Variants in BTBD9 observed in about 807,000 individuals in gnomAD.
The protein encoded by BTBD9 is BTB domain containing 9.
A neutral mutation model predicts 64.3 loss-of-function variants in BTBD9; 49 were observed. The ratio of observed to expected loss-of-function variants is 0.76; its 90% CI spans 0.61 to 0.97. The LOEUF is 0.97. Ranked by LOEUF, BTBD9 falls within the 50% of genes least tolerant of loss-of-function variation. The pLI, the probability that BTBD9 is intolerant of heterozygous loss-of-function variation, is 0.00. For synonymous variants in BTBD9, 260 were observed against 274.7 expected (o/e 0.95, Z 0.53); for missense variants, 598 against 762.1 (o/e 0.78, Z 2.53).
rs1207108059 is a variant in BTBD9 at position 38,184,281 on chromosome 6, C to A, written c.1641+8238G>T. Among the ~76,000 whole-genome samples the A allele has an allele frequency of 1.3e-5, 2 of 152,334 alleles. No homozygotes were observed. The highest frequency in any genetic ancestry group is 1.9e-4 in the East Asian group (1 of 5,180). ...CAGGCTGCCCGCTGGGCTTGACTAT[C>A]CCGGCTGTCCCTGCACTGCCTCCTC... is the stretch of plus-strand genomic sequence containing the variant. On this transcript the variant is annotated intron_variant, in intron 10 of 10. Transcript: ENST00000481247. This position sits in a 1 kb window ranked among gnomAD's most constrained non-coding sequence, Gnocchi z 4.4.
chr6:38,252,028 T>C (rs1303828168), intron 9 of BTBD9, among the ~76,000 whole-genome samples: 1 of 152,060 alleles, frequency 6.6e-6, no homozygotes, highest in Non-Finnish European at 1.5e-5. Context: ...TTATCTATAA[T>C]AGAAAATGAC....
At chr6:38,439,110 CTTTTT>C (rs35699356) in intron 6 of BTBD9, among the ~76,000 whole-genome samples, 19 of 64,052 alleles carry the variant, frequency 3.0e-4, no homozygotes, top group African/African-American at 1.0e-3. Flanking sequence ...TAGCAACTGA[CTTTTT>C]TTTTTTTTTT....
At chr6:38,605,391 C>G (rs1777397833) in intron 1 of BTBD9, among the ~76,000 whole-genome samples, 1 of 152,126 alleles carries the variant, frequency 6.6e-6, no homozygotes, top group Non-Finnish European at 1.5e-5. Context: ...GCCTCCTTCT[C>G]ATGATCTACA....
intron 6 of BTBD9, among the ~76,000 whole-genome samples, chr6:38,484,628 C>T (rs1395151608): frequency 6.6e-6 from 1 of 152,132 alleles, no homozygotes; most frequent in Non-Finnish European, 1.5e-5. Flanking sequence ...TATGACCACA[C>T]AATAAAGCAA....
rs545243939 is a variant in BTBD9 at position 38,451,492 on chromosome 6, C to A, written c.1155-106399G>T. 2.4e-4 allele frequency among the ~76,000 whole-genome samples: 37 copies of A among 152,254 alleles called. No individual in the cohort carries two copies. The South Asian group carries it at 7.5e-3, about 31-fold the overall frequency. ...AATTTTTACAAACAGTTGTCTCAGACAGTACCCATTGTTACCTCTTATAAC... is the reference window on the plus strand; with the variant it reads ...AATTTTTACAAACAGTTGTCTCAGAAAGTACCCATTGTTACCTCTTATAAC... On this transcript the variant is annotated intron_variant, in intron 6 of 10. Coordinates refer to ENST00000481247, the MANE Select transcript of BTBD9 (RefSeq NM_001099272.2).
At chr6:38,271,747 T>G (rs965783867) in intron 8 of BTBD9, among the ~76,000 whole-genome samples, 6 of 152,280 alleles carry the variant, frequency 3.9e-5, no homozygotes, top group Admixed American at 3.9e-4. Context: ...AGGTAAGAAA[T>G]AAAGATACAG....
chr6:38,300,767 A>G (rs1313320928), intron 7 of BTBD9, among the ~76,000 whole-genome samples: 17 of 152,140 alleles, frequency 1.1e-4, no homozygotes, highest in South Asian at 2.1e-4. Context: ...GGGCTGAGAC[A>G]ATGGGGTTTT....
intron 9 of BTBD9, among the ~76,000 whole-genome samples, chr6:38,222,262 T>G (rs1763227064): frequency 7.6e-6 from 1 of 132,346 alleles, no homozygotes; most frequent in African/African-American, 2.8e-5. Flanking sequence ...CAGTTGTTTT[T>G]TTTTTTTTTT....
rs577900543 is a variant in BTBD9, at chr6:38,298,976, A to C, written c.1265-10515T>G. Among the ~76,000 whole-genome samples the C allele has an allele frequency of 3.9e-5, 6 of 151,920 alleles. No individual in the cohort carries two copies. The East Asian group carries it at 1.2e-3, about 29-fold the overall frequency. ...ACCCATTAACTCGTCATTTAGCATT[A>C]GGTATACCTCCGAATGCTATCCCTC... On this transcript the variant is annotated intron_variant, in intron 7 of 10. Transcript: ENST00000481247.
chr6:38,439,110 C>CTTTTTTTTTTTTTTTTTTTTTTTTTTTT (rs35699356), intron 6 of BTBD9, among the ~76,000 whole-genome samples: 3 of 64,068 alleles, frequency 4.7e-5, no homozygotes, highest in African/African-American at 2.1e-4. Flanking sequence ...TAGCAACTGA[C>CTTTTTTTTTTTTTTTTTTTTTTTTTTTT]TTTTTTTTTT....
chr6:38,544,042 T>G (rs1774415358), intron 6 of BTBD9, among the ~76,000 whole-genome samples: 2 of 151,902 alleles, frequency 1.3e-5, no homozygotes, highest in African/African-American at 4.8e-5. Context: ...AATTATATAG[T>G]AAGTTGGCTC....
In BTBD9 at chr6:38,327,304, T is replaced by C. The variant is rs573971756; in HGVS notation, c.1264+17680A>G. Among the ~76,000 whole-genome samples the C allele has an allele frequency of 1.7e-3, 266 of 152,310 alleles. 1 individual carries two copies. The highest frequency in any genetic ancestry group is 6.1e-3 in the African/African-American group (252 of 41,562). On this transcript the variant is annotated intron_variant, in intron 7 of 10. Coordinates refer to ENST00000481247, the MANE Select transcript of BTBD9 (RefSeq NM_001099272.2). ...GGCTCACCCACCAGGCTTCCACTCC[T>C]ATACAATCATTTCTTTTTATGCAAA...
intron 6 of BTBD9, among the ~76,000 whole-genome samples, chr6:38,443,007 T>A (rs57137936): frequency 0.35 from 53,072 of 151,144 alleles, 10,195 homozygotes; most frequent in East Asian, 0.81. Flanking sequence ...AAGGATTTTT[T>A]AAAAAAAAAT....
chr6:38,266,075 A>C (rs1188418214), intron 8 of BTBD9, among the ~76,000 whole-genome samples: 2 of 152,246 alleles, frequency 1.3e-5, no homozygotes, highest in African/African-American at 2.4e-5. Flanking sequence ...TGGAAAAAAA[A>C]CAATTTATAA....
In BTBD9 at chr6:38,588,163, G is replaced by C. The variant is rs145877608; in HGVS notation, c.814+4413C>G. On this transcript the variant is annotated intron_variant, in intron 4 of 10. Transcript: ENST00000481247. ...ATGGTATTCAGTATTCAAAAAGCCA[G>C]AGTCAGCAGACTGGACTCCAAACAA... 616 of 765,164 alleles carry C rather than the reference G, an allele frequency of 8.1e-4. 4 individuals are homozygous for C. In the African/African-American group the frequency reaches 8.9e-3, roughly 11 times the overall value. 47.4% of individuals were successfully genotyped at this position (765,164 alleles called of 1,614,324 possible). A position where few individuals can be genotyped will look rare whatever the true frequency, so the allele number is the denominator to read the frequency against.
intron 6 of BTBD9, among the ~76,000 whole-genome samples, chr6:38,415,494 G>T (rs1582392184): frequency 6.6e-6 from 1 of 152,132 alleles, no homozygotes; most frequent in African/African-American, 2.4e-5. Flanking sequence ...AGCCCAGTGA[G>T]ACCCATTTTG....
At chr6:38,588,568 T>C (rs1776651307) in intron 4 of BTBD9, 1 of 595,072 alleles carries the variant, frequency 1.7e-6, no homozygotes, top group East Asian at 4.0e-5. Context: ...CTGCTAGCTA[T>C]TGGCCTCCCA....
chr6:38,461,981 GTA>G (rs1159367735), intron 6 of BTBD9, among the ~76,000 whole-genome samples: 1 of 152,172 alleles, frequency 6.6e-6, no homozygotes, highest in Non-Finnish European at 1.5e-5. Context: ...TTTGGGTGAA[GTA>G]TCAGTTCAAA....
intron 6 of BTBD9, among the ~76,000 whole-genome samples, chr6:38,380,512 C>T (rs538319986): frequency 1.3e-5 from 2 of 152,168 alleles, no homozygotes; most frequent in African/African-American, 4.8e-5. Flanking sequence ...GGAAATAACT[C>T]TCTTCTAACA....
Sources: gnomAD v4.1 joint callset for allele counts (sites outside exome capture counted in the v4.1 genomes callset) on GRCh38, gnomAD v4.1.1 for gene constraint, Gnocchi (gnomAD v3.1) non-coding constraint, MANE v1.5 for transcripts, NCBI Gene and HGNC (gene_info 2026-07-23, HGNC 2026-07-21) for gene names.